Variants in RBM6 observed in about 807,000 individuals in gnomAD.
RBM6 encodes RNA binding motif protein 6, also known as RNA-binding protein 6.
Under a neutral mutation model 140.4 loss-of-function variants are expected in RBM6, and 23 were observed. The observed-to-expected ratio is 0.16, with a 90% CI of 0.12 to 0.23. RBM6 has a LOEUF of 0.23. RBM6 is among the 10% of genes least tolerant of loss of function. The probability of loss-of-function intolerance (pLI) is 1.00; values close to 1 mark genes in which losing one functional copy is unlikely to be tolerated. For missense variants in RBM6, 1,139 were observed against 1,386.7 expected (o/e 0.82, Z 2.84); for synonymous variants, 439 against 475.6 (o/e 0.92, Z 1.00).
intron 2 of RBM6, chr3:49,963,064 C>T (rs1402472320): frequency 2.0e-5 from 3 of 153,482 alleles, no homozygotes; most frequent in African/African-American, 7.5e-5. Flanking sequence ...CGTGCCACTG[C>T]ACTCCAGCTT....
chr3:50,043,377 G>C (rs894382909), intron 6 of RBM6, among the ~76,000 whole-genome samples: 3 of 151,574 alleles, frequency 2.0e-5, no homozygotes, highest in Admixed American at 2.0e-4. Context: ...CAGCTACTTG[G>C]GAGGCAGAAA....
chr3:50,019,773 C>G (rs1052094836), intron 6 of RBM6, among the ~76,000 whole-genome samples: 2 of 152,004 alleles, frequency 1.3e-5, no homozygotes, highest in Admixed American at 1.3e-4. Flanking sequence ...GAGGAGGTTC[C>G]CCTCTGTTCC....
At position 50,067,032 on chromosome 3, in the gene RBM6, C is replaced by CA. The variant is rs1486397850; in HGVS notation, c.2943+535dup. On this transcript the variant is annotated intron_variant, in intron 17 of 20. Coordinates refer to ENST00000266022, the MANE Select transcript of RBM6 (RefSeq NM_005777.3). ...GGTGAAACTGTCTCTACTAAAAATA[C>CA]AAAAATTACCTGGATGTGGTGGCGC... is the stretch of plus-strand genomic sequence containing the variant. Among the ~76,000 whole-genome samples, 3 of 150,962 alleles carry CA rather than the reference C, an allele frequency of 2.0e-5. No individual in the cohort carries two copies. In the Admixed American group the frequency reaches 2.0e-4, roughly 10 times the overall value.
chr3:49,995,566 A>G (rs1339355949), intron 5 of RBM6, among the ~76,000 whole-genome samples: 3 of 152,004 alleles, frequency 2.0e-5, no homozygotes, highest in South Asian at 4.1e-4. Flanking sequence ...AAAAAAGTAT[A>G]AGGAGTATTC....
intron 6 of RBM6, among the ~76,000 whole-genome samples, chr3:50,003,311 A>T (rs1420188098): frequency 9.1e-3 from 57 of 6,276 alleles, no homozygotes; most frequent in South Asian, 0.034. Flanking sequence ...CTAAATTTAA[A>T]AAAAAAAAAA....
In RBM6 at chr3:49,968,661, G is replaced by A. The variant is rs746715277; in HGVS notation, c.1236G>A (p.Arg412=). ...RSMEYRDVDH[R]LPGSQMFGYG... ...TGGAGTACCGTGATGTGGATCATAGGCTGCCAGGAAGCCAGATGTTTGGCT... is the reference window on the plus strand; with the variant it reads ...TGGAGTACCGTGATGTGGATCATAGACTGCCAGGAAGCCAGATGTTTGGCT... Residue 412 remains arginine (R), a synonymous_variant, in exon 3 of 21, where the codon AGG becomes AGA. Coordinates refer to ENST00000266022, the MANE Select transcript of RBM6 (RefSeq NM_005777.3). The A allele has an allele frequency of 2.5e-6, 4 of 1,614,156 alleles. No individual in the cohort carries two copies. Among genetic ancestry groups the A allele is most frequent in the Non-Finnish European group, 3.4e-6 (4 of 1,180,032 alleles).
intron 6 of RBM6, among the ~76,000 whole-genome samples, chr3:50,033,996 G>A (rs1213161184): frequency 6.6e-6 from 1 of 151,900 alleles, no homozygotes; most frequent in Non-Finnish European, 1.5e-5. Context: ...AAACATACAA[G>A]GACAGAGATC....
intron 3 of RBM6, among the ~76,000 whole-genome samples, chr3:49,969,501 A>G (rs2084682383): frequency 6.8e-6 from 1 of 146,682 alleles, no homozygotes; most frequent in African/African-American, 2.5e-5. Context: ...ATATATATGA[A>G]TATATATTTA....
chr3:50,018,581 GTTTTTTTTT>G (rs58115280), intron 6 of RBM6, among the ~76,000 whole-genome samples: 78 of 63,554 alleles, frequency 1.2e-3, no homozygotes, highest in Middle Eastern at 0.032. Flanking sequence ...GTAGGAGTGT[GTTTTTTTTT>G]TTTTTTTTTT....
At chr3:49,960,945 T>C (rs959196718) in intron 1 of RBM6, among the ~76,000 whole-genome samples, 1 of 149,978 alleles carries the variant, frequency 6.7e-6, no homozygotes, top group Admixed American at 6.7e-5. Context: ...AGCCTCACTC[T>C]GTTTCCTGAA....
chr3:49,958,709 C>T (rs180859046), intron 1 of RBM6, among the ~76,000 whole-genome samples: 91 of 147,822 alleles, frequency 6.2e-4, no homozygotes, highest in Non-Finnish European at 1.1e-3. Context: ...CGAGATCGCT[C>T]AACTGCATTC....
At chr3:49,973,837 C>T (rs1326058595) in intron 4 of RBM6, among the ~76,000 whole-genome samples, 2 of 151,820 alleles carry the variant, frequency 1.3e-5, no homozygotes, top group African/African-American at 4.8e-5. Context: ...CCACCCGCCT[C>T]GGCCTCTCAA....
chr3:49,980,064 G>A (rs28424211), intron 5 of RBM6, among the ~76,000 whole-genome samples: 3,175 of 151,660 alleles, frequency 0.021, 137 homozygotes, highest in African/African-American at 0.074. Flanking sequence ...GTAATGGCGC[G>A]ATCTCAGCTT....
At chr3:50,010,043 C>T (rs534742810) in intron 6 of RBM6, among the ~76,000 whole-genome samples, 1 of 152,114 alleles carries the variant, frequency 6.6e-6, no homozygotes, top group East Asian at 1.9e-4. Context: ...CACACCACCA[C>T]ACCTGGCTAA....
chr3:50,009,489 A>G (rs962253293), intron 6 of RBM6, among the ~76,000 whole-genome samples: 1 of 152,184 alleles, frequency 6.6e-6, no homozygotes, highest in Non-Finnish European at 1.5e-5. Context: ...TCTAGTGCAT[A>G]GATTATGTGT....
chr3:49,987,795 T>C (rs1389974452), intron 5 of RBM6, among the ~76,000 whole-genome samples: 5 of 152,074 alleles, frequency 3.3e-5, no homozygotes, highest in Non-Finnish European at 7.4e-5. Flanking sequence ...CCTGCCACTA[T>C]GCCCAGCTAA....
At chr3:49,955,914 G>A (rs2108598657) in intron 1 of RBM6, among the ~76,000 whole-genome samples, 1 of 150,996 alleles carries the variant, frequency 6.6e-6, no homozygotes, top group East Asian at 1.9e-4. Context: ...CCAATATTTT[G>A]TGATTAGAGA....
At chr3:49,990,775 G>C (rs1575627392) in intron 5 of RBM6, among the ~76,000 whole-genome samples, 1 of 152,260 alleles carries the variant, frequency 6.6e-6, no homozygotes, top group East Asian at 1.9e-4. Context: ...GCATTAAGTG[G>C]GGGGAAAAAC....
intron 6 of RBM6, among the ~76,000 whole-genome samples, chr3:50,024,585 C>T (rs540491602): frequency 2.6e-5 from 4 of 151,226 alleles, no homozygotes; most frequent in South Asian, 4.2e-4. Flanking sequence ...TGTGTAACTG[C>T]GATTTGTTCA....
Sources: gnomAD v4.1 joint callset for allele counts (sites outside exome capture counted in the v4.1 genomes callset) on GRCh38, gnomAD v4.1.1 for gene constraint, MANE v1.5 for transcripts, NCBI Gene and HGNC (gene_info 2026-07-23, HGNC 2026-07-21) for gene names.